The following UCKL1 variants were observed in gnomAD, a reference collection of about 807,000 sequenced individuals.
The protein encoded by UCKL1 is uridine-cytidine kinase 1 like 1.
A neutral mutation model predicts 59.2 loss-of-function variants in UCKL1; 65 were observed. The observed-to-expected ratio is 1.10, with a 90% CI of 0.90 to 1.35. The LOEUF is 1.35. UCKL1 is among the 40% of genes most tolerant of loss of function. UCKL1 has a pLI of 0.00. For missense variants in UCKL1, 703 were observed against 784.3 expected, an observed-to-expected ratio of 0.90 and a Z score of 1.24; for synonymous variants, 410 against 323.1, an observed-to-expected ratio of 1.27 and a Z score of -2.88.
chr20:63,944,959 G>A (rs2055755091), intron 5 of UCKL1, among the ~76,000 whole-genome samples: 2 of 152,216 alleles, frequency 1.3e-5, no homozygotes, highest in African/African-American at 4.8e-5. Context: ...GTGGGAAGGA[G>A]TGGGGAGGTG....
At chr20:63,941,072 C>A in intron 9 of UCKL1, 29 bp from the exon 10 acceptor site, 1 of 1,599,556 alleles carries the variant, frequency 6.3e-7, no homozygotes, top group Non-Finnish European at 8.5e-7. Context: ...AGCGGGAGCA[C>A]GCGCCCGGGG....
chr20:63,949,556 G>A (rs1460550012), intron 1 of UCKL1, among the ~76,000 whole-genome samples: 1 of 152,220 alleles, frequency 6.6e-6, no homozygotes, highest in East Asian at 1.9e-4. Context: ...CTCCCAGCAG[G>A]TGGTGATGGA....
chr20:63,945,564 G>A, intron 5 of UCKL1, 87 bp downstream of exon 5: 1 of 1,405,160 alleles, frequency 7.1e-7, no homozygotes, highest in South Asian at 1.3e-5. Flanking sequence ...GGAGGCCTTG[G>A]GGACAGGGCA....
At chr20:63,953,483 C>A (rs1447009056) in intron 1 of UCKL1, 4 of 152,304 alleles carry the variant, frequency 2.6e-5, no homozygotes, top group African/African-American at 9.6e-5. Context: ...GGCAGATCAT[C>A]TGAGGTCAGG....
intron 5 of UCKL1, 43 bp downstream of exon 5, chr20:63,945,608 G>A: frequency 1.2e-6 from 2 of 1,604,600 alleles, no homozygotes; most frequent in African/African-American, 1.3e-5. Context: ...GGGCGGCCAG[G>A]GCTGAGATAC....
chr20:63,956,167 G>A (rs2058635386), intron 1 of UCKL1, 93 bp downstream of exon 1: 2 of 1,212,424 alleles, frequency 1.6e-6, no homozygotes, highest in Non-Finnish European at 2.2e-6. Context: ...GGGGGACTTG[G>A]GCTCGCGGCG....
chr20:63,940,075 G>GCCCCCCCCCCC lies in UCKL1; in HGVS notation c.1568-21_1568-20insGGGGGGGGGGG. On this transcript the variant is annotated intron_variant, in intron 14 of 14. Coordinates refer to ENST00000354216, the MANE Select transcript of UCKL1 (RefSeq NM_017859.4). ...AGTTCCCTGGAAAAAGGGGGGGGGG[G>GCCCCCCCCCCC]GTCCAGTGTGGTGGGGCCTCCCAGG... 1 of 1,562,992 alleles carries GCCCCCCCCCCC rather than the reference G, an allele frequency of 6.4e-7. No homozygotes were observed. Among genetic ancestry groups the GCCCCCCCCCCC allele is most frequent in the Non-Finnish European group, 8.8e-7 (1 of 1,141,820 alleles).
intron 1 of UCKL1, chr20:63,951,050 C>G: frequency 8.2e-7 from 1 of 1,218,996 alleles, no homozygotes; most frequent in Non-Finnish European, 1.0e-6. Flanking sequence ...GGGTGAGACC[C>G]TTGGCTGGCA....
intron 1 of UCKL1, 121 bp from the exon 2 acceptor site, chr20:63,946,764 G>A: frequency 2.0e-6 from 2 of 1,022,510 alleles, no homozygotes; most frequent in South Asian, 3.2e-5. Context: ...GAGGCGGGCA[G>A]GCTCATTGGG....
Position 63,946,464 on chromosome 20 carries a change from G to T in UCKL1, c.293C>A (p.Ala98Asp), listed in dbSNP as rs1290864965. 2 of 1,563,954 alleles carry T rather than the reference G, an allele frequency of 1.3e-6. No individual in the cohort carries two copies. The highest frequency in any genetic ancestry group is 1.8e-5 in the Admixed American group (1 of 54,864). Residue 98 changes from alanine (A) to aspartate (D), a missense_variant, in exon 2 of 15, where the codon GCC becomes GAC. Physicochemically the swap from Ala to Asp is moderately radical, Grantham distance 126. Transcript: ENST00000354216. ...CCCGCTGCTCTCACCGATGGCGAAG[G>T]CCTCTTTGGATTGCGTGCCGTGTTC... ...YNEHGTQSKE[A>D]FAIGLGGGSA...
chr20:63,951,196 G>T (rs769987273), intron 1 of UCKL1: 45 of 1,013,944 alleles, frequency 4.4e-5, no homozygotes, highest in Non-Finnish European at 5.3e-5. Flanking sequence ...CCAGCTGGGG[G>T]CTTGTGTATG....
At chr20:63,948,600 C>CGTGTGTGAGGGAGGGGT (rs2056949205) in intron 1 of UCKL1, 2 of 26,102 alleles carry the variant, frequency 7.7e-5, no homozygotes, top group Non-Finnish European at 8.3e-5. Flanking sequence ...AGGGAGGGGG[C>CGTGTGTGAGGGAGGGGT]GTGTGTGAGA....
chr20:63,942,412 G>A (rs1169378378), intron 8 of UCKL1: 3 of 1,174,178 alleles, frequency 2.6e-6, no homozygotes, highest in East Asian at 6.6e-5. Context: ...GGGAGCAGCG[G>A]GGCAAGGGGC....
At chr20:63,942,510 A>T in intron 8 of UCKL1, 1 of 1,173,086 alleles carries the variant, frequency 8.5e-7, no homozygotes, top group Non-Finnish European at 1.1e-6. Context: ...GGTGAAGAGC[A>T]TGTTCAGGGA....
At chr20:63,948,428 C>G (rs768912447) in intron 1 of UCKL1, 2 of 151,408 alleles carry the variant, frequency 1.3e-5, no homozygotes, top group Non-Finnish European at 2.9e-5. Flanking sequence ...AACACAGGTG[C>G]GGACAGGGAA....
At chr20:63,949,531 C>T (rs2057255397) in intron 1 of UCKL1, among the ~76,000 whole-genome samples, 1 of 152,116 alleles carries the variant, frequency 6.6e-6, no homozygotes, top group Admixed American at 6.5e-5. Context: ...GCAAGGGTCA[C>T]CCCCGGGGCC....
chr20:63,939,831 C>A lies in UCKL1; in HGVS notation c.*145G>T. 1.2e-6 allele frequency: 1 copy of A among 803,856 alleles called. No individual in the cohort carries two copies. The highest frequency in any genetic ancestry group is 1.9e-5 in the South Asian group (1 of 53,328). The allele number at this position is 803,856 out of a possible 1,614,324, so 49.8% of individuals were successfully genotyped here. On this transcript the variant is annotated 3_prime_UTR_variant, in exon 15 of 15. Transcript: ENST00000354216. ...CCTGTGCTGTAACCAATCACACCTT[C>A]ATTTTTCTAAAGCTTTATTTATTTT...
Position 63,941,042 on chromosome 20 carries a change from C to A in UCKL1, c.1024G>T (p.Asp342Tyr). Reference sequence around the variant, plus strand: ...AACTCGTCGCGACTGGTCTCCTTGTCCCTGTGGGGCCAACAGTTGAGCGGG... The same window carrying A: ...AACTCGTCGCGACTGGTCTCCTTGTACCTGTGGGGCCAACAGTTGAGCGGG... ...QVRGMHTIIR[D>Y]KETSRDEFIF... is the part of the protein sequence containing the mutation. Residue 342 changes from aspartate (D) to tyrosine (Y), a missense_variant and splice_region_variant, in exon 10 of 15, where the codon GAC becomes TAC. Physicochemically the swap from Asp to Tyr is radical, Grantham distance 160. Coordinates refer to ENST00000354216, the MANE Select transcript of UCKL1 (RefSeq NM_017859.4). The A allele has an allele frequency of 6.3e-7, 1 of 1,584,168 alleles. No homozygotes were observed. The highest frequency in any genetic ancestry group is 8.6e-7 in the Non-Finnish European group (1 of 1,167,952).
rs1300427398 is a variant in UCKL1 at position 63,944,435 on chromosome 20, C to G, written c.868G>C (p.Asp290His). Residue 290 changes from aspartate (D) to histidine (H), a missense_variant, in exon 7 of 15, where the codon GAC (aspartate) becomes CAC (histidine). By Grantham distance (81) the Asp-to-His change is moderately conservative. Transcript: ENST00000354216. ...CTGTGCACGTGCTGCACAATCAGGT[C>G]GATGGCCACCGTGTTGCCGCTCCCT... ...PRGSGNTVAI[D>H]LIVQHVHSQL... The G allele has an allele frequency of 1.3e-6, 2 of 1,574,974 alleles. No individual in the cohort carries two copies. The highest frequency in any genetic ancestry group is 2.3e-5 in the East Asian group (1 of 42,840).
Sources: allele counts gnomAD v4.1 joint callset (sites outside exome capture counted in the v4.1 genomes callset), GRCh38; gene constraint gnomAD v4.1.1; transcripts MANE v1.5; gene names NCBI Gene and HGNC (gene_info 2026-07-23, HGNC 2026-07-21).